Variants in CADM2 observed in about 807,000 individuals in gnomAD.
The protein encoded by CADM2 is immunoglobulin superfamily member 4D.
A neutral mutation model predicts 49.8 loss-of-function variants in CADM2; 12 were observed. That is an observed-to-expected ratio of 0.24 (90% confidence interval 0.15 to 0.39). CADM2 has a LOEUF of 0.39. CADM2 is among the 10% of genes least tolerant of loss of function. CADM2 has a pLI of 1.00. For missense variants in CADM2, 378 were observed against 492.3 expected (o/e 0.77, Z 2.20); for synonymous variants, 214 against 175.4 (o/e 1.22, Z -1.74).
intron 1 of CADM2, among the ~76,000 whole-genome samples, chr3:85,476,309 T>C (rs927877517): frequency 1.1e-4 from 16 of 151,942 alleles, no homozygotes; most frequent in African/African-American, 3.9e-4. Flanking sequence ...CTTCTGGCCA[T>C]AGAGTTGCAT....
chr3:85,449,273 G>T (rs2037637942), intron 1 of CADM2, among the ~76,000 whole-genome samples: 1 of 151,526 alleles, frequency 6.6e-6, no homozygotes, highest in African/African-American at 2.4e-5. Context: ...TATAAAATTG[G>T]TCTATGGGGT....
At chr3:85,549,170 C>T (rs1209074437) in intron 1 of CADM2, among the ~76,000 whole-genome samples, 1 of 152,124 alleles carries the variant, frequency 6.6e-6, no homozygotes, top group Non-Finnish European at 1.5e-5. Flanking sequence ...AATATGCTCA[C>T]ATCTGTGGAA....
intron 1 of CADM2, among the ~76,000 whole-genome samples, chr3:85,464,134 A>T (rs1011948181): frequency 6.6e-6 from 1 of 152,110 alleles, no homozygotes; most frequent in Non-Finnish European, 1.5e-5. Flanking sequence ...GAATAATGAG[A>T]CCTAGTTACT....
chr3:85,139,474 A>C (rs2107624565), intron 1 of CADM2, among the ~76,000 whole-genome samples: 1 of 152,268 alleles, frequency 6.6e-6, no homozygotes, highest in East Asian at 1.9e-4. Flanking sequence ...TGGCTATGCT[A>C]ACTTCTTATT....
At chr3:85,141,310 A>G (rs78021066) in intron 1 of CADM2, among the ~76,000 whole-genome samples, 3,184 of 152,236 alleles carry the variant, frequency 0.021, 119 homozygotes, top group African/African-American at 0.072. Context: ...AATCTTTTAA[A>G]TTGGGATGAC....
chr3:85,635,283 ATCT>A (rs2064435862), intron 1 of CADM2, among the ~76,000 whole-genome samples: 2 of 152,246 alleles, frequency 1.3e-5, no homozygotes, highest in African/African-American at 4.8e-5. Flanking sequence ...TAGAACCTAG[ATCT>A]TCTTTTTCCA....
intron 1 of CADM2, among the ~76,000 whole-genome samples, chr3:85,439,397 C>G (rs2037087192): frequency 6.6e-6 from 1 of 151,988 alleles, no homozygotes; most frequent in Non-Finnish European, 1.5e-5. Flanking sequence ...AGCTGATTTG[C>G]CCGCCTCGGC....
chr3:85,566,654 A>T (rs890413079), intron 1 of CADM2, among the ~76,000 whole-genome samples: 25 of 152,312 alleles, frequency 1.6e-4, no homozygotes, highest in Admixed American at 6.5e-4. Context: ...TAACAAAAAA[A>T]TTGGAAAATC....
At chr3:85,101,989 C>A (rs977106806) in intron 1 of CADM2, among the ~76,000 whole-genome samples, 9 of 152,092 alleles carry the variant, frequency 5.9e-5, no homozygotes, top group Non-Finnish European at 1.3e-4. Context: ...AGAAGACTGA[C>A]AGGGGAATGT....
chr3:86,049,874 G>T (rs942213209), intron 8 of CADM2, among the ~76,000 whole-genome samples: 3 of 152,030 alleles, frequency 2.0e-5, no homozygotes, highest in Non-Finnish European at 4.4e-5. Flanking sequence ...TAATTCTTGG[G>T]GTTACAATCC....
chr3:85,344,267 G>C (rs1576384263), intron 1 of CADM2, among the ~76,000 whole-genome samples: 2 of 151,754 alleles, frequency 1.3e-5, no homozygotes, highest in South Asian at 4.1e-4. Flanking sequence ...TGTAGTCCCA[G>C]CTACTTGGGA....
intron 3 of CADM2, among the ~76,000 whole-genome samples, chr3:85,829,623 T>C (rs545124589): frequency 7.8e-4 from 118 of 152,096 alleles, no homozygotes; most frequent in African/African-American, 2.8e-3. Context: ...CCCCAGACCT[T>C]GTTCATCTTC....
At chr3:85,170,145 TCTG>T (rs1278402527) in intron 1 of CADM2, among the ~76,000 whole-genome samples, 1 of 152,108 alleles carries the variant, frequency 6.6e-6, no homozygotes, top group Non-Finnish European at 1.5e-5. Context: ...TCAGCTGTCC[TCTG>T]CTATTTAATT....
chr3:85,769,502 T>A (rs1373568851), intron 2 of CADM2, among the ~76,000 whole-genome samples: 1 of 38,440 alleles, frequency 2.6e-5, no homozygotes, highest in Non-Finnish European at 4.7e-5. Flanking sequence ...TATACATATA[T>A]GTATATATAC....
Position 85,755,265 on chromosome 3 carries a change from G to A in CADM2, c.88+28717G>A, listed in dbSNP as rs925097762. Among the ~76,000 whole-genome samples the A allele has an allele frequency of 2.6e-5, 4 of 152,230 alleles. No homozygotes were observed. The South Asian group carries it at 6.2e-4, about 24-fold the overall frequency. ...CTCCTCCCCCTCCAGGTTGGAAAATGTGTTAGAACAATTTACAGAACTCAG... is the reference window on the plus strand; with the variant it reads ...CTCCTCCCCCTCCAGGTTGGAAAATATGTTAGAACAATTTACAGAACTCAG... On this transcript the variant is annotated intron_variant, in intron 2 of 9. Coordinates refer to ENST00000383699, the MANE Select transcript of CADM2 (RefSeq NM_001167675.2).
rs2039051169 is a variant in CADM2, at chr3:85,126,871, C to A, written c.61+167203C>A. 2.0e-5 allele frequency among the ~76,000 whole-genome samples: 3 copies of A among 152,018 alleles called. No homozygotes were observed. In the South Asian group the frequency reaches 6.2e-4, roughly 32 times the overall value. ...TTGCTGTGAGTTATTCTGCTAATTT[C>A]TTTTTTCTAGGATAAAGGAAAAGTA... On this transcript the variant is annotated intron_variant, in intron 1 of 9. Coordinates refer to ENST00000383699, the MANE Select transcript of CADM2 (RefSeq NM_001167675.2).
chr3:85,121,192 C>A (rs1037288611), intron 1 of CADM2, among the ~76,000 whole-genome samples: 1 of 152,170 alleles, frequency 6.6e-6, no homozygotes, highest in Non-Finnish European at 1.5e-5. Flanking sequence ...GGTATCCATT[C>A]CTAATTCTTT....
chr3:85,357,358 T>C (rs1303982184), intron 1 of CADM2, among the ~76,000 whole-genome samples: 1 of 152,140 alleles, frequency 6.6e-6, no homozygotes, highest in Non-Finnish European at 1.5e-5. Flanking sequence ...TTTACCTGAC[T>C]TTCAAAAAAT....
chr3:85,725,615 G>C (rs1577171158), intron 1 of CADM2, among the ~76,000 whole-genome samples: 2 of 152,040 alleles, frequency 1.3e-5, no homozygotes, highest in African/African-American at 4.8e-5. Context: ...GTTTTCCTTT[G>C]AGTAAGGGAC....
Sources: gnomAD v4.1 joint callset for allele counts (sites outside exome capture counted in the v4.1 genomes callset) on GRCh38, gnomAD v4.1.1 for gene constraint, MANE v1.5 for transcripts, NCBI Gene and HGNC (gene_info 2026-07-23, HGNC 2026-07-21) for gene names.